PTCHD4: variants seen among roughly 807,000 people sequenced by gnomAD.
PTCHD4 encodes the protein patched domain containing 4.
Under a neutral mutation model 58.1 loss-of-function variants are expected in PTCHD4, and 33 were observed. That is an observed-to-expected ratio of 0.57 (90% CI 0.43 to 0.76). PTCHD4 has a LOEUF of 0.76. PTCHD4 is among the 30% of genes least tolerant of loss of function. PTCHD4 has a pLI of 0.00. For synonymous variants in PTCHD4, 478 were observed against 409.6 expected (o/e 1.17, Z -2.02); for missense variants, 1,058 against 1,027.1 (o/e 1.03, Z -0.41).
chr6:48,098,318 TTTCTTC>T lies in PTCHD4; in HGVS notation c.-970+12725_-970+12730del, dbSNP rs374977976. ...GAAAAGTAACTGGAATTTCTTTTCT[TTTCTTC>T]TTCTTCTTCTTCTTCTTCTTTTTTT... On this transcript the variant is annotated intron_variant, in intron 1 of 4. Coordinates refer to ENST00000339488, the MANE Select transcript of PTCHD4 (RefSeq NM_001384253.1). 1.1e-3 allele frequency among the ~76,000 whole-genome samples: 159 copies of T among 142,656 alleles called. 2 individuals are homozygous for T. In the South Asian group the frequency reaches 0.019, roughly 17 times the overall value. 93.6% of individuals were successfully genotyped at this position (142,656 alleles called of 152,430 possible).
chr6:48,104,979 T>A, intron 1 of PTCHD4, among the ~76,000 whole-genome samples: 1 of 152,142 alleles, frequency 6.6e-6, no homozygotes, highest in Non-Finnish European at 1.5e-5. Flanking sequence ...ACAAAGAGAC[T>A]TAGATTCCCA....
intron 3 of PTCHD4, among the ~76,000 whole-genome samples, chr6:48,030,913 T>G (rs1763415274): frequency 6.6e-6 from 1 of 152,098 alleles, no homozygotes; most frequent in Non-Finnish European, 1.5e-5. Flanking sequence ...ATATTCTCTA[T>G]TACGAAGTCC....
chr6:48,107,864 TG>T (rs1405130363), intron 1 of PTCHD4, among the ~76,000 whole-genome samples: 1 of 152,242 alleles, frequency 6.6e-6, no homozygotes, highest in Non-Finnish European at 1.5e-5. Context: ...TCATCATCAC[TG>T]GCCATCAGAG....
At chr6:48,063,252 T>G (rs1764692933) in intron 3 of PTCHD4, among the ~76,000 whole-genome samples, 1 of 152,106 alleles carries the variant, frequency 6.6e-6, no homozygotes, top group Non-Finnish European at 1.5e-5. Context: ...CCTGTGCCAG[T>G]GAAGAATTTG....
chr6:47,894,505 A>C (rs555206763), intron 4 of PTCHD4, among the ~76,000 whole-genome samples: 1 of 152,306 alleles, frequency 6.6e-6, no homozygotes, highest in South Asian at 2.1e-4. Context: ...CAAGACAAAG[A>C]ATGCAAACTC....
intron 3 of PTCHD4, among the ~76,000 whole-genome samples, chr6:48,041,938 T>A (rs1763862627): frequency 6.6e-6 from 1 of 152,090 alleles, no homozygotes. Context: ...AAAGAGCTGC[T>A]CATTGCAAAA....
chr6:47,912,137 T>C (rs1744930318), intron 4 of PTCHD4, among the ~76,000 whole-genome samples: 1 of 152,102 alleles, frequency 6.6e-6, no homozygotes, highest in Non-Finnish European at 1.5e-5. Flanking sequence ...CCCTCCAGCA[T>C]CTGTGATGAT....
intron 4 of PTCHD4, among the ~76,000 whole-genome samples, chr6:47,945,826 A>G (rs138882641): frequency 6.6e-6 from 1 of 151,742 alleles, no homozygotes; most frequent in Admixed American, 6.6e-5. Context: ...TTCTTCATAA[A>G]GCTCTTGTAA....
intron 4 of PTCHD4, among the ~76,000 whole-genome samples, chr6:48,000,903 T>C (rs942055227): frequency 1.3e-5 from 2 of 152,076 alleles, no homozygotes; most frequent in Non-Finnish European, 2.9e-5. Context: ...TTCTTTTTAA[T>C]GCAAAATCCC....
At chr6:47,899,508 T>A (rs1369718682) in intron 4 of PTCHD4, 1 of 808,554 alleles carries the variant, frequency 1.2e-6, no homozygotes, top group African/African-American at 1.9e-5. Context: ...GGACAGAAAA[T>A]GAGTCTAGTG....
rs1763889421 is a variant in PTCHD4, at chr6:47,877,894, A to C, written c.*409T>G. Reference sequence around the variant, plus strand: ...TTTCCTTTGACCAACCTGTTCAAAAAACAAGCATGAAAAGTGCCATGGCAC... The same window carrying C: ...TTTCCTTTGACCAACCTGTTCAAAACACAAGCATGAAAAGTGCCATGGCAC... On this transcript the variant is annotated 3_prime_UTR_variant, in exon 5 of 5. Transcript: ENST00000339488. 1 of 160,602 alleles carries C rather than the reference A, an allele frequency of 6.2e-6. No individual in the cohort carries two copies. Among genetic ancestry groups the C allele is most frequent in the Admixed American group, 6.1e-5 (1 of 16,414 alleles). The allele number at this position is 160,602 out of a possible 1,614,324, so 9.9% of individuals were successfully genotyped here. A position where few individuals can be genotyped will look rare whatever the true frequency, so the allele number is the denominator to read the frequency against.
At chr6:48,104,475 C>T (rs896024459) in intron 1 of PTCHD4, among the ~76,000 whole-genome samples, 15 of 152,132 alleles carry the variant, frequency 9.9e-5, no homozygotes, top group African/African-American at 1.9e-4. Flanking sequence ...AAGGAACAAC[C>T]GGTACCAGCC....
intron 4 of PTCHD4, among the ~76,000 whole-genome samples, chr6:47,939,158 G>A (rs370958704): frequency 1.3e-4 from 20 of 152,282 alleles, no homozygotes; most frequent in African/African-American, 4.6e-4. Flanking sequence ...TTGGAGAAAA[G>A]GAGGTCCAAG....
At chr6:48,010,547 G>GT (rs769401481) in intron 3 of PTCHD4, among the ~76,000 whole-genome samples, 54 of 152,002 alleles carry the variant, frequency 3.6e-4, no homozygotes, top group Non-Finnish European at 7.1e-4. Context: ...TTTACAGAGA[G>GT]TAAAAATGCT....
At chr6:48,079,970 ATTTTTTTTTTTTTTTTTT>A (rs141629864) in intron 1 of PTCHD4, among the ~76,000 whole-genome samples, 26 of 76,146 alleles carry the variant, frequency 3.4e-4, no homozygotes, top group African/African-American at 9.5e-4. Context: ...CCTTATGATG[ATTTTTTTTTTTTTTTTTT>A]TTTTTTTTTT....
chr6:48,070,539 AT>A (rs1307603134), intron 1 of PTCHD4, among the ~76,000 whole-genome samples: 1 of 152,214 alleles, frequency 6.6e-6, no homozygotes, highest in Non-Finnish European at 1.5e-5. Context: ...CCCTTTCTAA[AT>A]TGAAAGTGAC....
Position 47,866,474 on chromosome 6 carries a change from AGT to A in PTCHD4, c.*11827_*11828del. Among the ~76,000 whole-genome samples, 3 of 151,790 alleles carry A rather than the reference AGT, an allele frequency of 2.0e-5. No individual in the cohort carries two copies. In the East Asian group the frequency reaches 5.9e-4, roughly 30 times the overall value. ...TAGGGTTATCCAAAATGTCTCTTAGAGTGTGTTTGTTGACCATGGTCTCGTAT... is the reference window on the plus strand; with the variant it reads ...TAGGGTTATCCAAAATGTCTCTTAGAGTGTTTGTTGACCATGGTCTCGTAT... On this transcript the variant is annotated 3_prime_UTR_variant, in exon 5 of 5. Transcript: ENST00000339488.
chr6:47,943,874 G>A (rs113005152), intron 4 of PTCHD4, among the ~76,000 whole-genome samples: 2 of 151,892 alleles, frequency 1.3e-5, no homozygotes, highest in Admixed American at 1.3e-4. Context: ...TTGTCAAAAT[G>A]TCAGGGTCAT....
At chr6:47,905,850 A>T (rs138731812) in intron 4 of PTCHD4, among the ~76,000 whole-genome samples, 1 of 152,312 alleles carries the variant, frequency 6.6e-6, no homozygotes, top group Non-Finnish European at 1.5e-5. Flanking sequence ...TGTTGCTACC[A>T]GTCGGCCTAT....
Sources: allele counts gnomAD v4.1 joint callset (sites outside exome capture counted in the v4.1 genomes callset), GRCh38; gene constraint gnomAD v4.1.1; transcripts MANE v1.5; gene names NCBI Gene and HGNC (gene_info 2026-07-23, HGNC 2026-07-21).